DSE: variants seen among roughly 807,000 people sequenced by gnomAD.
The protein encoded by DSE is dermatan-sulfate epimerase.
A neutral mutation model predicts 84.4 loss-of-function variants in DSE; 36 were observed. The observed-to-expected ratio is 0.43, with a 90% confidence interval of 0.33 to 0.56. The LOEUF (loss-of-function observed/expected upper bound fraction) is 0.56. DSE is among the 20% of genes least tolerant of loss of function. The pLI, the probability that DSE is intolerant of heterozygous loss-of-function variation, is 0.06. For synonymous variants in DSE, 410 were observed against 430.1 expected (o/e 0.95, Z 0.58); for missense variants, 862 against 1,169.6 (o/e 0.74, Z 3.84).
intron 2 of DSE, among the ~76,000 whole-genome samples, chr6:116,296,856 G>A (rs1774696116): frequency 6.6e-6 from 1 of 152,136 alleles, no homozygotes; most frequent in Non-Finnish European, 1.5e-5. Context: ...TTTTGGTAGA[G>A]TGAGAATCTG....
intron 5 of DSE, 92 bp downstream of exon 5, chr6:116,433,642 C>G: frequency 7.5e-7 from 1 of 1,327,396 alleles, no homozygotes; most frequent in Non-Finnish European, 1.0e-6. Flanking sequence ...AAAAGAAAAA[C>G]TAAAACACTT....
At chr6:116,258,790 A>G (rs752589086) in exon 2 of DSE, 2 of 1,609,862 alleles carry the variant, frequency 1.2e-6, no homozygotes, top group Non-Finnish European at 1.7e-6. Flanking sequence ...CAGGACCTGC[A>G]GAGGGTTCTC....
At chr6:116,307,744 C>T (rs1450404632) in intron 2 of DSE, among the ~76,000 whole-genome samples, 2 of 152,112 alleles carry the variant, frequency 1.3e-5, no homozygotes, top group Non-Finnish European at 2.9e-5. Flanking sequence ...TTATTGAAAA[C>T]AAAACACTGT....
intron 2 of DSE, among the ~76,000 whole-genome samples, chr6:116,404,991 T>TG (rs1781827953): frequency 6.7e-6 from 1 of 148,984 alleles, no homozygotes; most frequent in Admixed American, 6.6e-5. Context: ...ATTGTGTTTT[T>TG]TTTTTTTTTT....
intron 3 of DSE, among the ~76,000 whole-genome samples, chr6:116,428,388 T>G (rs1430295234): frequency 6.6e-6 from 1 of 152,208 alleles, no homozygotes; most frequent in Non-Finnish European, 1.5e-5. Context: ...TTTATTTCCT[T>G]AAATAAATTT....
At chr6:116,308,664 G>A (rs895579786) in intron 2 of DSE, among the ~76,000 whole-genome samples, 4 of 152,006 alleles carry the variant, frequency 2.6e-5, no homozygotes, top group African/African-American at 9.7e-5. Context: ...CCCATCTTTT[G>A]TTGCATTTTT....
chr6:116,272,042 G>C (rs1772903211), intron 2 of DSE, among the ~76,000 whole-genome samples: 1 of 152,168 alleles, frequency 6.6e-6, no homozygotes, highest in African/African-American at 2.4e-5. Flanking sequence ...TTCTATGCTA[G>C]TGAATTTCAT....
chr6:116,348,426 C>CA (rs1458684175), intron 2 of DSE, among the ~76,000 whole-genome samples: 11 of 111,368 alleles, frequency 9.9e-5, no homozygotes, highest in African/African-American at 2.7e-4. Flanking sequence ...GACTCCGTCT[C>CA]AAAAAAAACA....
intron 3 of DSE, among the ~76,000 whole-genome samples, chr6:116,429,607 T>G (rs1783675592): frequency 6.6e-6 from 1 of 152,238 alleles, no homozygotes. Flanking sequence ...GTTAAAAGGA[T>G]TAACTAAGAT....
At chr6:116,360,863 G>A (rs1379571442) in intron 2 of DSE, among the ~76,000 whole-genome samples, 3 of 151,980 alleles carry the variant, frequency 2.0e-5, no homozygotes, top group Admixed American at 6.6e-5. Context: ...CTGCTTTTAT[G>A]TGCTAATATT....
upstream of DSE, chr6:116,369,941 A>T (rs1392575510): frequency 7.8e-7 from 1 of 1,289,204 alleles, no homozygotes; most frequent in Non-Finnish European, 1.0e-6. Flanking sequence ...AGTATCCTAC[A>T]AATCTTTCAC....
intron 2 of DSE, among the ~76,000 whole-genome samples, chr6:116,404,749 C>A (rs1430338198): frequency 6.6e-6 from 1 of 152,222 alleles, no homozygotes; most frequent in African/African-American, 2.4e-5. Context: ...TTTCTTGGTA[C>A]ACAGTACTCC....
chr6:116,432,822 G>A (rs1365331119), intron 4 of DSE: 1 of 154,466 alleles, frequency 6.5e-6, no homozygotes, highest in African/African-American at 2.4e-5. Flanking sequence ...ATACTGGCAG[G>A]AGCTACTCCG....
intron 1 of DSE, among the ~76,000 whole-genome samples, chr6:116,377,517 A>G (rs1469562060): frequency 6.6e-6 from 1 of 152,204 alleles, no homozygotes; most frequent in African/African-American, 2.4e-5. Context: ...TCGTGAATCC[A>G]TATACATTGC....
intron 1 of DSE, among the ~76,000 whole-genome samples, chr6:116,398,151 T>C (rs772246814): frequency 2.6e-5 from 4 of 152,218 alleles, no homozygotes; most frequent in Non-Finnish European, 4.4e-5. Context: ...ACCTTTCCCC[T>C]CTTAAGAATT....
chr6:116,279,251 C>T, intron 2 of DSE: 1 of 1,608,688 alleles, frequency 6.2e-7, no homozygotes, highest in Non-Finnish European at 8.5e-7. Flanking sequence ...GGCGGCTGCT[C>T]CTCTACCTCC....
chr6:116,410,456 G>A lies in DSE; in HGVS notation c.416+10790G>A, dbSNP rs530810668. On this transcript the variant is annotated intron_variant, in intron 2 of 5. Coordinates refer to ENST00000644252, the MANE Select transcript of DSE (RefSeq NM_013352.4). ...AGGCTTCAAAAAAAATCTACAGGCC[G>A]AGCGTGGTGGCTCACGCCTGTAATC... 4.6e-5 allele frequency among the ~76,000 whole-genome samples: 7 copies of A among 152,214 alleles called. No homozygotes were observed. The South Asian group carries it at 6.2e-4, about 14-fold the overall frequency.
In DSE at chr6:116,436,522, T is replaced by C. The variant is rs749911499; in HGVS notation, c.2054T>C (p.Val685Ala). 2 of 1,614,182 alleles carry C rather than the reference T, an allele frequency of 1.2e-6. No individual in the cohort carries two copies. The highest frequency in any genetic ancestry group is 1.7e-6 in the Non-Finnish European group (2 of 1,180,016). The change falls in exon 6 of 6, where the codon GTG becomes GCG. Residue 685 changes from valine (V) to alanine (A), a missense_variant. Coordinates refer to ENST00000644252, the MANE Select transcript of DSE (RefSeq NM_013352.4). ...TVHGDSQQLD[V>A]FIATSKHAYA... ...CACGGAGACTCTCAGCAACTGGATG[T>C]GTTCATAGCCACCAGCAAACATGCC...
intron 2 of DSE, among the ~76,000 whole-genome samples, chr6:116,268,916 C>A (rs1053985318): frequency 1.3e-5 from 2 of 151,010 alleles, no homozygotes; most frequent in Non-Finnish European, 1.5e-5. Flanking sequence ...TTTATTATTA[C>A]AATGGAATCA....
Sources: allele counts gnomAD v4.1 joint callset (sites outside exome capture counted in the v4.1 genomes callset), GRCh38; gene constraint gnomAD v4.1.1; transcripts MANE v1.5; gene names NCBI Gene and HGNC (gene_info 2026-07-23, HGNC 2026-07-21).